The following DNAH9 variants were observed in gnomAD, a reference collection of about 807,000 sequenced individuals.
The protein encoded by DNAH9 is dynein axonemal heavy chain 9, also known as DNAH9 variant protein.
A neutral mutation model predicts 471.6 loss-of-function variants in DNAH9; 345 were observed. The ratio of observed to expected loss-of-function variants is 0.73; its 90% confidence interval spans 0.67 to 0.80. The LOEUF (loss-of-function observed/expected upper bound fraction) is 0.80, where lower values mean the gene tolerates loss of function less well. Ranked by LOEUF, DNAH9 falls within the 30% of genes least tolerant of loss-of-function variation. DNAH9 has a pLI of 0.00. For synonymous variants in DNAH9, 2,093 were observed against 2,123.6 expected (o/e 0.99, Z 0.40); for missense variants, 5,407 against 5,609.2 (o/e 0.96, Z 1.15).
At chr17:11,794,450 A>T (rs1053783228) in intron 42 of DNAH9, among the ~76,000 whole-genome samples, 9 of 152,194 alleles carry the variant, frequency 5.9e-5, no homozygotes, top group African/African-American at 2.2e-4. Flanking sequence ...TTCTCTGTCC[A>T]CTACCCAGGT....
intron 45 of DNAH9, 108 bp downstream of exon 45, chr17:11,810,477 A>G: frequency 7.0e-7 from 1 of 1,429,406 alleles, no homozygotes; most frequent in Non-Finnish European, 9.4e-7. Context: ...CATAGTAATG[A>G]GGAAGAAAAC....
At chr17:11,721,944 G>T (rs1597542395) in intron 27 of DNAH9, among the ~76,000 whole-genome samples, 1 of 152,094 alleles carries the variant, frequency 6.6e-6, no homozygotes, top group Non-Finnish European at 1.5e-5. Flanking sequence ...GACAGAGAGA[G>T]CATGTGGCAT....
intron 68 of DNAH9, among the ~76,000 whole-genome samples, chr17:11,963,998 A>G (rs1211935461): frequency 6.6e-6 from 1 of 152,200 alleles, no homozygotes; most frequent in Admixed American, 6.5e-5. Context: ...CAGAACCTCC[A>G]GGAGGACCAA....
chr17:11,850,798 T>C (rs1971393300), intron 49 of DNAH9, among the ~76,000 whole-genome samples: 1 of 152,052 alleles, frequency 6.6e-6, no homozygotes, highest in African/African-American at 2.4e-5. Context: ...TTGACTTGCA[T>C]TGGATAAAAA....
intron 45 of DNAH9, among the ~76,000 whole-genome samples, chr17:11,818,882 TTAC>T (rs1018236618): frequency 1.6e-5 from 2 of 121,412 alleles, no homozygotes; most frequent in Non-Finnish European, 1.8e-5. Context: ...GTCTCCATTA[TTAC>T]TATTATTATT....
At position 11,902,835 on chromosome 17, in the gene DNAH9, G is replaced by T. The variant is rs150954681; in HGVS notation, c.11523G>T (p.Glu3841Asp). 6.2e-7 allele frequency: 1 copy of T among 1,614,034 alleles called. No individual in the cohort carries two copies. Among genetic ancestry groups the T allele is most frequent in the Non-Finnish European group, 8.5e-7 (1 of 1,179,882 alleles). ...ECPEKEKLPQ[E>D]WKNKTALQRL... Reference sequence around the variant, plus strand: ...CTGAGAAAGAGAAGCTCCCACAGGAGTGGAAGAACAAGACAGCCCTGCAGC... The same window carrying T: ...CTGAGAAAGAGAAGCTCCCACAGGATTGGAAGAACAAGACAGCCCTGCAGC... The change falls in exon 60 of 69, where the codon GAG becomes GAT. Residue 3841 changes from glutamate to aspartate, a missense_variant. Around this residue, in one of 3 missense-constraint regions of DNAH9, gnomAD observed 4,636 missense variants for 4,900.3 expected, o/e 0.95. Coordinates refer to ENST00000262442, the MANE Select transcript of DNAH9 (RefSeq NM_001372.4).
At chr17:11,884,891 A>G (rs1294500484) in intron 56 of DNAH9, among the ~76,000 whole-genome samples, 1 of 152,096 alleles carries the variant, frequency 6.6e-6, no homozygotes, top group South Asian at 2.1e-4. Flanking sequence ...GGGATGCAGC[A>G]TACTGATCTC....
chr17:11,933,286 T>C (rs1974580460), intron 64 of DNAH9, among the ~76,000 whole-genome samples: 1 of 152,186 alleles, frequency 6.6e-6, no homozygotes, highest in African/African-American at 2.4e-5. Context: ...CTGTCACAGT[T>C]AAAAAGCTTG....
chr17:11,611,853 T>G, intron 4 of DNAH9, 73 bp downstream of exon 4: 4 of 1,490,024 alleles, frequency 2.7e-6, no homozygotes, highest in Non-Finnish European at 3.7e-6. Flanking sequence ...CACCTCTCTC[T>G]GTCTGAATTC....
intron 62 of DNAH9, among the ~76,000 whole-genome samples, chr17:11,929,591 G>A (rs1974439315): frequency 6.6e-6 from 1 of 152,172 alleles, no homozygotes; most frequent in Non-Finnish European, 1.5e-5. Flanking sequence ...CCTCACTACT[G>A]GGCATCCCAG....
At chr17:11,956,320 A>G (rs1295638951) in intron 67 of DNAH9, among the ~76,000 whole-genome samples, 1 of 152,210 alleles carries the variant, frequency 6.6e-6, no homozygotes. Flanking sequence ...GGCACCTCAT[A>G]ACAAAGCGTC....
intron 62 of DNAH9, among the ~76,000 whole-genome samples, chr17:11,926,619 G>A (rs1974338638): frequency 6.6e-6 from 1 of 152,098 alleles, no homozygotes; most frequent in Admixed American, 6.6e-5. Context: ...AGTATTCCAT[G>A]GTGTATATGT....
intron 41 of DNAH9, among the ~76,000 whole-genome samples, 199 bp downstream of exon 41, chr17:11,784,738 G>A (rs1968802301): frequency 6.6e-6 from 1 of 152,098 alleles, no homozygotes; most frequent in Admixed American, 6.5e-5. Context: ...AGTTTCCTTT[G>A]CCAATTAAAT....
chr17:11,828,142 T>C (rs891722493), intron 48 of DNAH9, among the ~76,000 whole-genome samples: 5 of 152,138 alleles, frequency 3.3e-5, no homozygotes, highest in African/African-American at 1.2e-4. Context: ...CCCTCTGTAG[T>C]CTATTCTCAG....
chr17:11,848,451 A>C (rs184652147), intron 49 of DNAH9, among the ~76,000 whole-genome samples: 29 of 152,030 alleles, frequency 1.9e-4, no homozygotes, highest in Non-Finnish European at 3.2e-4. Flanking sequence ...ATGGGAGTGC[A>C]TATAGGTTAT....
intron 38 of DNAH9, among the ~76,000 whole-genome samples, chr17:11,778,199 A>G (rs1968516476): frequency 6.6e-6 from 1 of 151,810 alleles, no homozygotes; most frequent in African/African-American, 2.4e-5. Flanking sequence ...CGAGTGACTC[A>G]TGATCAGAAA....
intron 41 of DNAH9, among the ~76,000 whole-genome samples, chr17:11,786,399 G>A (rs80069067): frequency 0.019 from 2,842 of 152,250 alleles, 92 homozygotes; most frequent in African/African-American, 0.064. Context: ...TGGGAACGAC[G>A]AGTGATATGG....
intron 39 of DNAH9, among the ~76,000 whole-genome samples, chr17:11,781,490 A>G (rs887711598): frequency 1.3e-5 from 2 of 152,098 alleles, no homozygotes; most frequent in Non-Finnish European, 2.9e-5. Context: ...AGAATTAACC[A>G]CTTCCCCTGC....
In DNAH9 at chr17:11,608,159, A is replaced by G. The variant is rs912189601; in HGVS notation, c.448A>G (p.Asn150Asp). ...TCTACCCGTCCTGGCCAATGAGAAGAATCGCCTAAACTGGCCCCACATGAT... is the reference window on the plus strand; with the variant it reads ...TCTACCCGTCCTGGCCAATGAGAAGGATCGCCTAAACTGGCCCCACATGAT... Reference protein sequence around the residue: ...VVLPVLANEKNRLNWPHMICE... With the variant: ...VVLPVLANEKDRLNWPHMICE... Residue 150 changes from asparagine (N) to aspartate (D), a missense_variant, in exon 2 of 69, where the codon AAT (asparagine) becomes GAT (aspartate). Transcript: ENST00000262442. The G allele has an allele frequency of 6.2e-7, 1 of 1,609,918 alleles. No individual in the cohort carries two copies. Among genetic ancestry groups the G allele is most frequent in the East Asian group, 2.2e-5 (1 of 44,708 alleles).
Sources: allele counts gnomAD v4.1 joint callset (sites outside exome capture counted in the v4.1 genomes callset), GRCh38; gene constraint gnomAD v4.1.1; regional missense constraint gnomAD v4.1.1; transcripts MANE v1.5; gene names NCBI Gene and HGNC (gene_info 2026-07-23, HGNC 2026-07-21).